RIN3: variants seen among roughly 807,000 people sequenced by gnomAD.
The protein encoded by RIN3 is RAB5 interacting protein 3.
RIN3 carries 54 observed loss-of-function variants against 76.3 expected under a neutral mutation model. The ratio of observed to expected loss-of-function variants is 0.71; its 90% confidence interval spans 0.57 to 0.89. The LOEUF (loss-of-function observed/expected upper bound fraction) is 0.89. Ranked by LOEUF, RIN3 falls within the 40% of genes least tolerant of loss-of-function variation. RIN3 has a pLI of 0.00. For missense variants in RIN3, 1,256 were observed against 1,322.1 expected, an observed-to-expected ratio of 0.95 and a Z score of 0.78; for synonymous variants, 576 against 564.0, an observed-to-expected ratio of 1.02 and a Z score of -0.30.
At chr14:92,525,367 G>T (rs779431260) in intron 1 of RIN3, among the ~76,000 whole-genome samples, 3 of 152,156 alleles carry the variant, frequency 2.0e-5, no homozygotes, top group Non-Finnish European at 4.4e-5. Context: ...TGGGGGGATG[G>T]TATTGCCAGG....
intron 8 of RIN3, among the ~76,000 whole-genome samples, chr14:92,678,449 A>C (rs1355685163): frequency 7.6e-4 from 68 of 89,748 alleles, no homozygotes; most frequent in South Asian, 1.1e-3. Context: ...ACATATCCAT[A>C]TACCCACCCA....
intron 7 of RIN3, among the ~76,000 whole-genome samples, chr14:92,663,508 A>T (rs1273147811): frequency 2.0e-5 from 3 of 152,214 alleles, no homozygotes; most frequent in Admixed American, 1.3e-4. Context: ...CTGAGACGTG[A>T]AGGTCAGGCC....
At chr14:92,653,159 A>G (rs1887538156) in intron 6 of RIN3, 84 bp downstream of exon 6, 3 of 1,399,030 alleles carry the variant, frequency 2.1e-6, no homozygotes, top group African/African-American at 1.4e-5. Flanking sequence ...AAAGAGGCCT[A>G]TGCAGTGGAC....
chr14:92,584,806 A>T (rs891537399), intron 3 of RIN3, among the ~76,000 whole-genome samples: 1 of 152,108 alleles, frequency 6.6e-6, no homozygotes, highest in African/African-American at 2.4e-5. Flanking sequence ...GGTGACAGTG[A>T]CAGATTCAGG....
At chr14:92,665,534 A>G (rs1441739710) in intron 7 of RIN3, among the ~76,000 whole-genome samples, 1 of 151,830 alleles carries the variant, frequency 6.6e-6, no homozygotes, top group African/African-American at 2.4e-5. Flanking sequence ...GCCCACCACC[A>G]TGCCCGGCTA....
chr14:92,525,943 T>TGG (rs1367149487), intron 1 of RIN3, among the ~76,000 whole-genome samples: 1 of 152,110 alleles, frequency 6.6e-6, no homozygotes, highest in African/African-American at 2.4e-5. Context: ...GGGTGGCATC[T>TGG]GGGGAAACTT....
intron 8 of RIN3, among the ~76,000 whole-genome samples, chr14:92,683,945 A>G (rs771828771): frequency 3.3e-5 from 5 of 152,182 alleles, no homozygotes; most frequent in Non-Finnish European, 5.9e-5. Flanking sequence ...CATAAATTGA[A>G]AATATCTTAA....
intron 1 of RIN3, among the ~76,000 whole-genome samples, chr14:92,539,256 G>T (rs369474528): frequency 1.3e-5 from 2 of 152,012 alleles, no homozygotes; most frequent in African/African-American, 4.8e-5. Flanking sequence ...GTGGGGTCTG[G>T]GCCCATACTA....
chr14:92,574,703 T>C (rs1045785865), intron 2 of RIN3, among the ~76,000 whole-genome samples: 2 of 152,186 alleles, frequency 1.3e-5, no homozygotes, highest in Admixed American at 1.3e-4. Flanking sequence ...CTATTGCTCC[T>C]GCTTCTAATT....
chr14:92,620,463 G>A (rs1167197641), intron 4 of RIN3, among the ~76,000 whole-genome samples: 1 of 152,202 alleles, frequency 6.6e-6, no homozygotes, highest in Non-Finnish European at 1.5e-5. Flanking sequence ...TAGAAAGTTG[G>A]TGTGCTCCAT....
At chr14:92,669,783 T>C (rs1481771358) in intron 7 of RIN3, among the ~76,000 whole-genome samples, 1 of 152,248 alleles carries the variant, frequency 6.6e-6, no homozygotes, top group Non-Finnish European at 1.5e-5. Flanking sequence ...ATATCCATAC[T>C]CAGCATCTAG....
intron 1 of RIN3, among the ~76,000 whole-genome samples, chr14:92,528,690 A>G (rs1896809926): frequency 6.6e-6 from 1 of 152,310 alleles, no homozygotes; most frequent in East Asian, 1.9e-4. Context: ...CCATTCATGC[A>G]GTGTGGAGAT....
intron 1 of RIN3, among the ~76,000 whole-genome samples, chr14:92,526,896 C>T (rs1350187476): frequency 6.6e-6 from 1 of 152,182 alleles, no homozygotes; most frequent in Admixed American, 6.5e-5. Flanking sequence ...CAGCCATTCT[C>T]CCTCCAAAGG....
At chr14:92,575,620 C>A (rs1009765805) in intron 2 of RIN3, among the ~76,000 whole-genome samples, 2 of 152,012 alleles carry the variant, frequency 1.3e-5, no homozygotes, top group Non-Finnish European at 2.9e-5. Flanking sequence ...CTGACGTTGC[C>A]ATGACATCTG....
chr14:92,624,903 T>G (rs754114990), intron 4 of RIN3, among the ~76,000 whole-genome samples: 10 of 152,224 alleles, frequency 6.6e-5, no homozygotes, highest in Non-Finnish European at 1.3e-4. Context: ...CAGTTCAGAC[T>G]GCAGTTTCAG....
At chr14:92,646,699 C>G (rs1211701086) in intron 5 of RIN3, among the ~76,000 whole-genome samples, 1 of 152,174 alleles carries the variant, frequency 6.6e-6, no homozygotes, top group East Asian at 1.9e-4. Flanking sequence ...CCTCGGCCTC[C>G]CAAAGTGCTG....
intron 3 of RIN3, among the ~76,000 whole-genome samples, chr14:92,602,676 C>T (rs1011713799): frequency 6.6e-6 from 1 of 152,134 alleles, no homozygotes; most frequent in Non-Finnish European, 1.5e-5. Flanking sequence ...TCCATGACTC[C>T]TCAGGAGGCT....
chr14:92,531,086 C>T (rs2140003757), intron 1 of RIN3, among the ~76,000 whole-genome samples: 1 of 152,248 alleles, frequency 6.6e-6, no homozygotes, highest in South Asian at 2.1e-4. Context: ...CCCTATTGTC[C>T]CCAAAGTAAA....
In RIN3 at chr14:92,613,239, T is replaced by G. The variant is rs553873416; in HGVS notation, c.368-2168T>G. Among the ~76,000 whole-genome samples, 7 of 152,312 alleles carry G rather than the reference T, an allele frequency of 4.6e-5. No individual in the cohort carries two copies. The South Asian group carries it at 1.2e-3, about 27-fold the overall frequency. On this transcript the variant is annotated intron_variant, in intron 3 of 9. Transcript: ENST00000216487. ...CCCCAGCCTCCCTTGGCCACACCTGTGCTGCCCCTTGTGGAAGGAGTCGGC... is the reference window on the plus strand; with the variant it reads ...CCCCAGCCTCCCTTGGCCACACCTGGGCTGCCCCTTGTGGAAGGAGTCGGC...
Sources: allele counts gnomAD v4.1 joint callset (sites outside exome capture counted in the v4.1 genomes callset), GRCh38; gene constraint gnomAD v4.1.1; transcripts MANE v1.5; gene names NCBI Gene and HGNC (gene_info 2026-07-23, HGNC 2026-07-21).